The following STAU2 variants were observed in gnomAD, a reference collection of about 807,000 sequenced individuals.
STAU2 encodes the protein double-stranded RNA-binding protein Staufen homolog 2.
STAU2 carries 20 observed loss-of-function variants against 65.9 expected under a neutral mutation model. The observed-to-expected ratio is 0.30, with a 90% confidence interval of 0.21 to 0.44. The LOEUF is 0.44. STAU2 is among the 20% of genes least tolerant of loss of function. The pLI, the probability that STAU2 is intolerant of heterozygous loss-of-function variation, is 1.00. For missense variants in STAU2, 558 were observed against 683.9 expected (o/e 0.82, Z 2.05); for synonymous variants, 232 against 233.9 (o/e 0.99, Z 0.07).
chr8:73,731,003 T>C (rs958196420), intron 3 of STAU2, among the ~76,000 whole-genome samples: 4 of 152,222 alleles, frequency 2.6e-5, no homozygotes, highest in Admixed American at 2.6e-4. Context: ...CTTGGAATCA[T>C]TTGGAGCCTT....
intron 6 of STAU2, among the ~76,000 whole-genome samples, chr8:73,623,224 C>A (rs1361356987): frequency 6.6e-6 from 1 of 152,136 alleles, no homozygotes; most frequent in African/African-American, 2.4e-5. Flanking sequence ...TCATTTAATG[C>A]CCTCTTTATG....
At chr8:73,722,514 T>A (rs1821754240) in intron 3 of STAU2, among the ~76,000 whole-genome samples, 3 of 152,236 alleles carry the variant, frequency 2.0e-5, no homozygotes, top group Admixed American at 2.0e-4. Flanking sequence ...TAGAAACATA[T>A]TTTTGTCAGA....
At chr8:73,474,691 C>T (rs1820222070) in intron 13 of STAU2, among the ~76,000 whole-genome samples, 1 of 152,012 alleles carries the variant, frequency 6.6e-6, no homozygotes, top group South Asian at 2.1e-4. Context: ...TTAAGTTAAT[C>T]CCTGCCTTCT....
At chr8:73,682,440 C>G (rs1421809715) in intron 5 of STAU2, among the ~76,000 whole-genome samples, 1 of 151,666 alleles carries the variant, frequency 6.6e-6, no homozygotes, top group Non-Finnish European at 1.5e-5. Flanking sequence ...AATAGTGACA[C>G]AACTTATCAA....
At chr8:73,576,331 T>G (rs1373094056) in intron 12 of STAU2, among the ~76,000 whole-genome samples, 1 of 151,990 alleles carries the variant, frequency 6.6e-6, no homozygotes, top group Non-Finnish European at 1.5e-5. Context: ...AATCTTAAAT[T>G]GCAATCTTAA....
At chr8:73,662,545 T>C (rs2130332826) in intron 6 of STAU2, among the ~76,000 whole-genome samples, 1 of 152,346 alleles carries the variant, frequency 6.6e-6, no homozygotes, top group Middle Eastern at 3.4e-3. Context: ...TATATGTCTA[T>C]GACCCATTTC....
chr8:73,633,482 G>A (rs1814251916), intron 6 of STAU2, among the ~76,000 whole-genome samples: 1 of 152,188 alleles, frequency 6.6e-6, no homozygotes, highest in South Asian at 2.1e-4. Flanking sequence ...CAAAGTGAAA[G>A]GATGCATGTG....
chr8:73,651,288 G>GT, intron 6 of STAU2: 2 of 669,672 alleles, frequency 3.0e-6, no homozygotes, highest in Non-Finnish European at 5.4e-6. Flanking sequence ...GGGCCCCACT[G>GT]TGTCCACACA....
intron 4 of STAU2, among the ~76,000 whole-genome samples, chr8:73,695,948 G>A (rs748796620): frequency 7.2e-5 from 11 of 152,240 alleles, no homozygotes; most frequent in Middle Eastern, 6.8e-3. Flanking sequence ...GGAAAAACCC[G>A]CCACCCTGAA....
chr8:73,650,561 C>T (rs1252742945), intron 6 of STAU2, among the ~76,000 whole-genome samples: 2 of 152,028 alleles, frequency 1.3e-5, no homozygotes, highest in Non-Finnish European at 2.9e-5. Context: ...CTTTAATATT[C>T]CTGACAAATG....
At chr8:73,661,587 G>A (rs1304938693) in intron 6 of STAU2, among the ~76,000 whole-genome samples, 1 of 152,080 alleles carries the variant, frequency 6.6e-6, no homozygotes, top group African/African-American at 2.4e-5. Flanking sequence ...AACTTTCCTT[G>A]TATAGGAAAT....
intron 6 of STAU2, among the ~76,000 whole-genome samples, chr8:73,657,129 G>C (rs187335729): frequency 8.5e-4 from 130 of 152,268 alleles, no homozygotes; most frequent in African/African-American, 3.0e-3. Context: ...AATACTAAGA[G>C]ATTTTAACAC....
intron 6 of STAU2, among the ~76,000 whole-genome samples, chr8:73,645,624 T>C (rs1815313626): frequency 6.6e-6 from 1 of 152,202 alleles, no homozygotes; most frequent in African/African-American, 2.4e-5. Context: ...TAGTCCGTTC[T>C]CACATTGCTA....
intron 12 of STAU2, among the ~76,000 whole-genome samples, chr8:73,558,167 C>T (rs1331626474): frequency 2.0e-5 from 3 of 152,176 alleles, no homozygotes; most frequent in Admixed American, 1.3e-4. Context: ...AAACTAAATG[C>T]AACATCTCAC....
chr8:73,741,304 CAA>C (rs761906073), intron 1 of STAU2, among the ~76,000 whole-genome samples: 2 of 112,098 alleles, frequency 1.8e-5, no homozygotes, highest in African/African-American at 8.0e-5. Flanking sequence ...GACTCCGTCT[CAA>C]AAAAAAAAAA....
At chr8:73,551,986 T>A (rs1393669265) in intron 13 of STAU2, 26 bp downstream of exon 13, 1 of 1,524,066 alleles carries the variant, frequency 6.6e-7, no homozygotes, top group Non-Finnish European at 8.8e-7. Context: ...ATTGTTTTGT[T>A]TTTTGTTTTT....
At chr8:73,425,633 C>G (rs1179693982) in intron 13 of STAU2, among the ~76,000 whole-genome samples, 2 of 152,176 alleles carry the variant, frequency 1.3e-5, no homozygotes, top group African/African-American at 4.8e-5. Flanking sequence ...CTCTCTCTCT[C>G]TCTCTTCTCT....
chr8:73,735,055 T>TCC (rs1806336682), intron 3 of STAU2, among the ~76,000 whole-genome samples: 1 of 152,144 alleles, frequency 6.6e-6, no homozygotes, highest in African/African-American at 2.4e-5. Context: ...CACCCCAGCC[T>TCC]CCCAAGTAGC....
chr8:73,602,180 T>C (rs1254949326), intron 10 of STAU2, among the ~76,000 whole-genome samples: 1 of 152,190 alleles, frequency 6.6e-6, no homozygotes, highest in Non-Finnish European at 1.5e-5. Flanking sequence ...GTCCTACTAT[T>C]TACAAACCAC....
Sources: allele counts gnomAD v4.1 joint callset (sites outside exome capture counted in the v4.1 genomes callset), GRCh38; gene constraint gnomAD v4.1.1; transcripts MANE v1.5; gene names NCBI Gene and HGNC (gene_info 2026-07-23, HGNC 2026-07-21).